Variants in ADGRB1 observed in about 807,000 individuals in gnomAD.
ADGRB1 encodes the protein adhesion G protein-coupled receptor B1.
ADGRB1 carries 36 observed loss-of-function variants against 175.7 expected under a neutral mutation model. The observed-to-expected ratio is 0.20, with a 90% CI of 0.16 to 0.27. The LOEUF (loss-of-function observed/expected upper bound fraction) is 0.27. ADGRB1 is among the 10% of genes least tolerant of loss of function. ADGRB1 has a pLI of 1.00. For synonymous variants in ADGRB1, 1,054 were observed against 979.4 expected (o/e 1.08, Z -1.42); for missense variants, 1,731 against 2,255.3 (o/e 0.77, Z 4.71).
intron 9 of ADGRB1, among the ~76,000 whole-genome samples, chr8:142,480,445 G>A (rs889450362): frequency 6.6e-6 from 1 of 152,122 alleles, no homozygotes; most frequent in African/African-American, 2.4e-5. Context: ...CGGTGGCAGG[G>A]GCCCTGTGTT....
chr8:142,459,353 G>A (rs1053963251), intron 1 of ADGRB1, among the ~76,000 whole-genome samples: 36 of 152,202 alleles, frequency 2.4e-4, no homozygotes, highest in Non-Finnish European at 4.9e-4. Flanking sequence ...GGGAGCTGGT[G>A]TGGCCGAGGG....
chr8:142,464,094 G>C lies in ADGRB1; in HGVS notation c.-105G>C. The stretch of plus-strand genomic sequence containing the variant: ...CATCCCACCCTTGCCCCGCCTCCCT[G>C]CCCCCACCGGGCCGGCCCTGCCCGC... On this transcript the variant is annotated 5_prime_UTR_variant, in exon 2 of 31. Coordinates refer to ENST00000517894, the MANE Select transcript of ADGRB1 (RefSeq NM_001702.3). 10 of 641,468 alleles carry C rather than the reference G, an allele frequency of 1.6e-5. No homozygotes were observed. The highest frequency in any genetic ancestry group is 1.4e-5 in the Non-Finnish European group (7 of 488,638). 39.7% of individuals were successfully genotyped at this position (641,468 alleles called of 1,614,324 possible). A position where few individuals can be genotyped will look rare whatever the true frequency, so the allele number is the denominator to read the frequency against.
chr8:142,466,706 T>C (rs1840296702), intron 2 of ADGRB1, among the ~76,000 whole-genome samples: 1 of 152,078 alleles, frequency 6.6e-6, no homozygotes, highest in Non-Finnish European at 1.5e-5. Flanking sequence ...TCAGGGGGAC[T>C]GGGGAGAGAA....
At chr8:142,502,437 AGTGGTGGTG>A (rs1563719178) in intron 17 of ADGRB1, among the ~76,000 whole-genome samples, 56 of 558 alleles carry the variant, frequency 0.1, 21 homozygotes, top group Non-Finnish European at 0.14. Context: ...TGGTGGTGGT[AGTGGTGGTG>A]ATGATGGGGT....
At chr8:142,519,357 G>A (rs927272111) in intron 19 of ADGRB1, among the ~76,000 whole-genome samples, 6 of 152,154 alleles carry the variant, frequency 3.9e-5, no homozygotes, top group Admixed American at 2.0e-4. Flanking sequence ...GAGAGAGAAC[G>A]TGACCTGCCC....
chr8:142,475,382 CGGCCTCGGCG>C, intron 2 of ADGRB1, 82 bp from the exon 3 acceptor site: 1 of 1,203,590 alleles, frequency 8.3e-7, no homozygotes, highest in Non-Finnish European at 1.0e-6. Context: ...CCACCCGGGC[CGGCCTCGGCG>C]GGCTTAGCAC....
At chr8:142,498,773 A>AC (rs1038149159) in intron 17 of ADGRB1, among the ~76,000 whole-genome samples, 1 of 150,926 alleles carries the variant, frequency 6.6e-6, no homozygotes, top group African/African-American at 2.4e-5. Flanking sequence ...TGCCCACACT[A>AC]CCCCTCCTGC....
At chr8:142,501,763 T>C (rs144508895) in intron 17 of ADGRB1, among the ~76,000 whole-genome samples, 1,422 of 18,560 alleles carry the variant, frequency 0.077, 19 homozygotes, top group East Asian at 0.09. Flanking sequence ...ATGGCAATGG[T>C]GGGGTGGTGG....
In ADGRB1 at chr8:142,533,373, C is replaced by T. The variant is rs766804099; in HGVS notation, c.3477C>T (p.Asp1159=). The T allele has an allele frequency of 3.7e-6, 6 of 1,608,474 alleles. No individual in the cohort carries two copies. The highest frequency in any genetic ancestry group is 2.2e-5 in the East Asian group (1 of 44,776). ...TWMSAVLAVT[D]RRSALFQILF... ...TGTCGGCTGTGCTCGCCGTCACCGA[C>T]CGCCGCTCCGCCCTCTTCCAGATCC... Residue 1159 remains aspartate (D), a synonymous_variant, in exon 25 of 31, where the codon GAC becomes GAT. Coordinates refer to ENST00000517894, the MANE Select transcript of ADGRB1 (RefSeq NM_001702.3).
Position 142,510,810 on chromosome 8 carries a change from G to T in ADGRB1, c.2676-122G>T. On this transcript the variant is annotated intron_variant, in intron 17 of 30. Coordinates refer to ENST00000517894, the MANE Select transcript of ADGRB1 (RefSeq NM_001702.3). This position sits in a 1 kb window ranked among gnomAD's most constrained non-coding sequence, Gnocchi z 6.3. ...CGGGCGCGCGGCTGCGGGCGCAGGT[G>T]CGGGGCGGCGGGCCGGGGCCGGGGC... 1 of 345,270 alleles carries T rather than the reference G, an allele frequency of 2.9e-6. No individual in the cohort carries two copies. Among genetic ancestry groups the T allele is most frequent in the East Asian group, 1.7e-4 (1 of 5,768 alleles). The allele number at this position is 345,270 out of a possible 1,614,324, so 21.4% of individuals were successfully genotyped here. A position where few individuals can be genotyped will look rare whatever the true frequency, so the allele number is the denominator to read the frequency against.
chr8:142,542,202 G>T lies in ADGRB1; in HGVS notation c.3968G>T (p.Gly1323Val). The T allele has an allele frequency of 6.2e-7, 1 of 1,613,686 alleles. No individual in the cohort carries two copies. The highest frequency in any genetic ancestry group is 8.5e-7 in the Non-Finnish European group (1 of 1,179,836). ...CCCAAGTCCTCCTTCGTCGGTGACG[G>T]GGACATCTTCAAGAAGCTGGACTCG... ...KAPKSSFVGD[G>V]DIFKKLDSEL... The change falls in exon 28 of 31, where the codon GGG becomes GTG. Residue 1323 changes from glycine to valine, a missense_variant. Gly to Val is a moderately radical substitution (Grantham distance 109). Around this residue, in one of 8 missense-constraint regions of ADGRB1, gnomAD observed 394 missense variants for 410.2 expected, o/e 0.96. Transcript: ENST00000517894. This position sits in a 1 kb window ranked among gnomAD's most constrained non-coding sequence, Gnocchi z 6.3.
chr8:142,497,663 A>T (rs1842286042), intron 17 of ADGRB1, among the ~76,000 whole-genome samples: 1 of 152,276 alleles, frequency 6.6e-6, no homozygotes, highest in Admixed American at 6.5e-5. Flanking sequence ...GCTCTCAAAG[A>T]TGAGCCCACC....
Position 142,464,220 on chromosome 8 carries a change from C to A in ADGRB1, c.22C>A (p.Pro8Thr). 1 of 1,302,434 alleles carries A rather than the reference C, an allele frequency of 7.7e-7. No individual in the cohort carries two copies. Among genetic ancestry groups the A allele is most frequent in the South Asian group, 2.4e-5 (1 of 41,176 alleles). The allele number at this position is 1,302,434 out of a possible 1,614,324, so 80.7% of individuals were successfully genotyped here. MRGQAAAPGPVWILAPLL... is the reference protein window; with the variant it reads MRGQAAATGPVWILAPLL... ...TAGGATGAGGGGCCAGGCCGCCGCC[C>A]CGGGCCCCGTCTGGATCCTCGCCCC... The change falls in exon 2 of 31, where the codon CCG becomes ACG. Residue 8 changes from proline to threonine, a missense_variant. By Grantham distance (38) the Pro-to-Thr change is conservative. Around this residue, in one of 8 missense-constraint regions of ADGRB1, gnomAD observed 383 missense variants for 383.1 expected, o/e 1.00. Transcript: ENST00000517894.
At position 142,510,456 on chromosome 8, in the gene ADGRB1, G is replaced by A. The variant is rs1843028185; in HGVS notation, c.2676-476G>A. ...CCGGAGAGCTCCGGAGCGGACCCTC[G>A]CCGCGCTCCGAACCCGCCCCGCGCC... On this transcript the variant is annotated intron_variant, in intron 17 of 30. Transcript: ENST00000517894. This position sits in a 1 kb window ranked among gnomAD's most constrained non-coding sequence, Gnocchi z 6.3. Among the ~76,000 whole-genome samples, 1 of 150,972 alleles carries A rather than the reference G, an allele frequency of 6.6e-6. No homozygotes were observed. Among genetic ancestry groups the A allele is most frequent in the African/African-American group, 2.4e-5 (1 of 41,046 alleles).
chr8:142,477,999 C>T (rs957621039), intron 6 of ADGRB1, among the ~76,000 whole-genome samples, 188 bp from the exon 7 acceptor site: 2 of 149,980 alleles, frequency 1.3e-5, no homozygotes, highest in Non-Finnish European at 3.0e-5. Flanking sequence ...TTTACTCACC[C>T]GTGTCCCAGC....
chr8:142,473,053 A>G (rs1260328892), intron 2 of ADGRB1, among the ~76,000 whole-genome samples: 1 of 151,526 alleles, frequency 6.6e-6, no homozygotes, highest in East Asian at 1.9e-4. Flanking sequence ...CTGGGTCACC[A>G]AGGTAACCAG....
At chr8:142,457,901 C>T (rs1156928925) in intron 1 of ADGRB1, among the ~76,000 whole-genome samples, 19 of 152,198 alleles carry the variant, frequency 1.2e-4, no homozygotes, top group Admixed American at 9.8e-4. Context: ...GCTTCCGGTA[C>T]CAGGCCGCTT....
At chr8:142,506,005 T>C (rs775276615) in intron 17 of ADGRB1, among the ~76,000 whole-genome samples, 5 of 152,204 alleles carry the variant, frequency 3.3e-5, no homozygotes, top group Non-Finnish European at 7.4e-5. Flanking sequence ...GTCCTGGCTG[T>C]GCGCCCTACC....
rs971057933 is a variant in ADGRB1, at chr8:142,543,061, T to A, written c.4414-342T>A. 1.3e-5 allele frequency among the ~76,000 whole-genome samples: 2 copies of A among 152,194 alleles called. No individual in the cohort carries two copies. Among genetic ancestry groups the A allele is most frequent in the African/African-American group, 4.8e-5 (2 of 41,452 alleles). The stretch of plus-strand genomic sequence containing the variant: ...CCCCACAGGATATGCTCCCACCATA[T>A]CCTGGCTCCTGGCCTCTGGTGATGC... On this transcript the variant is annotated intron_variant, in intron 28 of 30. Coordinates refer to ENST00000517894, the MANE Select transcript of ADGRB1 (RefSeq NM_001702.3). This position sits in a 1 kb window ranked among gnomAD's most constrained non-coding sequence, Gnocchi z 4.4.
Sources: allele counts gnomAD v4.1 joint callset (sites outside exome capture counted in the v4.1 genomes callset), GRCh38; gene constraint gnomAD v4.1.1; regional missense constraint gnomAD v4.1.1; non-coding constraint Gnocchi (gnomAD v3.1); transcripts MANE v1.5; gene names NCBI Gene and HGNC (gene_info 2026-07-23, HGNC 2026-07-21).